The following ADGRL3 variants were observed in gnomAD, a reference collection of about 807,000 sequenced individuals.
ADGRL3 encodes calcium-independent alpha-latrotoxin receptor 3.
A neutral mutation model predicts 153.5 loss-of-function variants in ADGRL3; 62 were observed. That is an observed-to-expected ratio of 0.40 (90% CI 0.33 to 0.50). The LOEUF (loss-of-function observed/expected upper bound fraction) is 0.50. ADGRL3 is among the 20% of genes least tolerant of loss of function. The pLI is 0.47. For synonymous variants in ADGRL3, 710 were observed against 672.5 expected (o/e 1.06, Z -0.86); for missense variants, 1,641 against 1,859.4 (o/e 0.88, Z 2.16).
At chr4:61,227,058 C>T (rs1476926983) in intron 1 of ADGRL3, among the ~76,000 whole-genome samples, 1 of 151,694 alleles carries the variant, frequency 6.6e-6, no homozygotes, top group African/African-American at 2.4e-5. Context: ...TTTATGTTTT[C>T]TGAAGTTTAA....
chr4:62,070,668 C>T lies in ADGRL3; in HGVS notation c.4392C>T (p.Ala1464=), dbSNP rs1307782028. Residue 1464 remains alanine, a synonymous_variant, in exon 27 of 27, where the codon GCC becomes GCT. Transcript: ENST00000683033. ...TSMPTLAGVA[A]TESVTTSTQT... The stretch of plus-strand genomic sequence containing the variant: ...TGCCGACACTGGCTGGTGTGGCCGC[C>T]ACAGAGAGTGTTACCACCAGCACCC... The T allele has an allele frequency of 6.4e-6, 10 of 1,551,412 alleles. No homozygotes were observed. The highest frequency in any genetic ancestry group is 1.4e-5 in the African/African-American group (1 of 72,994).
At chr4:61,811,393 T>C (rs2097618065) in intron 8 of ADGRL3, among the ~76,000 whole-genome samples, 2 of 152,070 alleles carry the variant, frequency 1.3e-5, no homozygotes, top group African/African-American at 2.4e-5. Context: ...TACAAACATA[T>C]ATTTTATAAT....
chr4:61,473,917 C>T (rs112393919), intron 2 of ADGRL3, among the ~76,000 whole-genome samples: 197 of 151,946 alleles, frequency 1.3e-3, no homozygotes, highest in Middle Eastern at 6.8e-3. Context: ...GCATTATTGT[C>T]TAGGAGTGGA....
chr4:61,601,736 G>A (rs572800557), intron 5 of ADGRL3, among the ~76,000 whole-genome samples: 2 of 152,268 alleles, frequency 1.3e-5, no homozygotes, highest in East Asian at 1.9e-4. Flanking sequence ...AGCTGTGGCC[G>A]TTCTGCTAAG....
intron 6 of ADGRL3, among the ~76,000 whole-genome samples, chr4:61,710,848 A>C (rs547737098): frequency 6.6e-6 from 1 of 152,048 alleles, no homozygotes; most frequent in African/African-American, 2.4e-5. Context: ...AATAATATTG[A>C]TTTTTTTTGT....
Position 61,517,475 on chromosome 4 carries a change from A to T in ADGRL3, c.216A>T (p.Gly72=). Residue 72 remains glycine, a synonymous_variant, in exon 4 of 27, where the codon GGA becomes GGT. Coordinates refer to ENST00000683033, the MANE Select transcript of ADGRL3 (RefSeq NM_001387552.1). ...AAGGGCCCCGTGGAGCTACCAGAGGAGTTCGCGGTCCAGGTGCCCAAGGAG... is the reference window on the plus strand; with the variant it reads ...AAGGGCCCCGTGGAGCTACCAGAGGTGTTCGCGGTCCAGGTGCCCAAGGAG... ...RGQGPRGATR[G]VRGPGAQGAQ... is the part of the protein sequence containing the mutation. The T allele has an allele frequency of 1.3e-6, 1 of 746,126 alleles. No homozygotes were observed. Among genetic ancestry groups the T allele is most frequent in the Non-Finnish European group, 2.4e-6 (1 of 424,900 alleles). The allele number at this position is 746,126 out of a possible 1,614,324, so 46.2% of individuals were successfully genotyped here. A position where few individuals can be genotyped will look rare whatever the true frequency, so the allele number is the denominator to read the frequency against.
chr4:62,007,421 TACAC>T (rs1211568012), intron 21 of ADGRL3, among the ~76,000 whole-genome samples: 25 of 98,522 alleles, frequency 2.5e-4, no homozygotes, highest in African/African-American at 7.9e-4. Context: ...TATATATATA[TACAC>T]ATATATATAT....
intron 5 of ADGRL3, among the ~76,000 whole-genome samples, chr4:61,637,185 G>C (rs1460429568): frequency 6.6e-6 from 1 of 152,132 alleles, no homozygotes; most frequent in African/African-American, 2.4e-5. Flanking sequence ...GATGTAATTA[G>C]TTAAGATAAG....
chr4:62,060,828 A>G (rs2151856410), intron 25 of ADGRL3, among the ~76,000 whole-genome samples: 1 of 152,074 alleles, frequency 6.6e-6, no homozygotes, highest in Middle Eastern at 3.4e-3. Context: ...CCCATTACAC[A>G]ATAGATTGAA....
intron 9 of ADGRL3, among the ~76,000 whole-genome samples, chr4:61,852,277 A>G (rs529036413): frequency 2.2e-4 from 31 of 142,952 alleles, no homozygotes; most frequent in African/African-American, 8.8e-4. Context: ...TTAACTACTT[A>G]TTTTATTTTA....
intron 2 of ADGRL3, among the ~76,000 whole-genome samples, chr4:61,479,707 A>G (rs767070913): frequency 1.3e-5 from 2 of 152,154 alleles, no homozygotes; most frequent in South Asian, 4.1e-4. Context: ...TGAAACATGT[A>G]TATTAGAGGT....
chr4:61,644,595 T>C (rs2093869340), intron 5 of ADGRL3, among the ~76,000 whole-genome samples: 1 of 152,174 alleles, frequency 6.6e-6, no homozygotes, highest in Non-Finnish European at 1.5e-5. Context: ...GTTGAGCGGT[T>C]TTGCGTGAGA....
chr4:61,974,452 C>A (rs1484730252), intron 17 of ADGRL3, among the ~76,000 whole-genome samples: 1 of 152,054 alleles, frequency 6.6e-6, no homozygotes, highest in African/African-American at 2.4e-5. Flanking sequence ...CTCTCTATAT[C>A]ATTTATATAG....
chr4:61,305,965 G>A (rs573337142), intron 1 of ADGRL3, among the ~76,000 whole-genome samples: 1 of 152,234 alleles, frequency 6.6e-6, no homozygotes, highest in South Asian at 2.1e-4. Flanking sequence ...GGCACTGGTG[G>A]GGGTGTCATT....
At chr4:61,429,649 T>C (rs571079379) in intron 2 of ADGRL3, among the ~76,000 whole-genome samples, 1 of 152,184 alleles carries the variant, frequency 6.6e-6, no homozygotes, top group African/African-American at 2.4e-5. Context: ...TTGTAAAAGG[T>C]CAATAAATGA....
At chr4:61,375,693 A>G (rs1415135744) in intron 1 of ADGRL3, among the ~76,000 whole-genome samples, 4 of 152,182 alleles carry the variant, frequency 2.6e-5, no homozygotes, top group Non-Finnish European at 5.9e-5. Flanking sequence ...TCTCTAAGAC[A>G]TTCAAAGTGA....
At chr4:61,205,906 T>C (rs1736928474) in intron 1 of ADGRL3, among the ~76,000 whole-genome samples, 1 of 152,202 alleles carries the variant, frequency 6.6e-6, no homozygotes, top group Non-Finnish European at 1.5e-5. Flanking sequence ...TACTCTGATC[T>C]GAGTGTCAGC....
chr4:61,736,084 CAT>C (rs538513256), intron 8 of ADGRL3, among the ~76,000 whole-genome samples: 38 of 151,918 alleles, frequency 2.5e-4, no homozygotes, highest in African/African-American at 7.7e-4. Flanking sequence ...AATGTATAGT[CAT>C]ATGTGTATTA....
intron 1 of ADGRL3, among the ~76,000 whole-genome samples, chr4:61,310,759 T>C (rs2094969259): frequency 6.6e-6 from 1 of 151,872 alleles, no homozygotes; most frequent in Non-Finnish European, 1.5e-5. Context: ...AATTCCTTTG[T>C]TCCCTTTCCT....
Sources: gnomAD v4.1 joint callset for allele counts (sites outside exome capture counted in the v4.1 genomes callset) on GRCh38, gnomAD v4.1.1 for gene constraint, MANE v1.5 for transcripts, NCBI Gene and HGNC (gene_info 2026-07-23, HGNC 2026-07-21) for gene names.